Variants in PPM1E observed in about 807,000 individuals in gnomAD.
PPM1E encodes protein phosphatase 1E.
PPM1E carries 20 observed loss-of-function variants against 65.9 expected under a neutral mutation model. The observed-to-expected ratio is 0.30, with a 90% CI of 0.21 to 0.44. The LOEUF is 0.44. PPM1E is among the 20% of genes least tolerant of loss of function. The probability of loss-of-function intolerance (pLI) is 1.00; values close to 1 mark genes in which losing one functional copy is unlikely to be tolerated. For missense variants in PPM1E, 713 were observed against 953.1 expected (o/e 0.75, Z 3.32); for synonymous variants, 352 against 374.9 (o/e 0.94, Z 0.70).
chr17:58,947,271 T>C (rs931710793), intron 1 of PPM1E, among the ~76,000 whole-genome samples: 9 of 146,158 alleles, frequency 6.2e-5, no homozygotes, highest in African/African-American at 2.3e-4. Context: ...CAGTCTTGCT[T>C]TATCACCCAG....
At chr17:58,831,017 T>C (rs1318589095) in intron 1 of PPM1E, among the ~76,000 whole-genome samples, 1 of 150,960 alleles carries the variant, frequency 6.6e-6, no homozygotes, top group Admixed American at 6.6e-5. Flanking sequence ...TTTTTTTTTT[T>C]TCGTTTTTTT....
intron 1 of PPM1E, among the ~76,000 whole-genome samples, chr17:58,916,177 A>C (rs2051681027): frequency 6.6e-6 from 1 of 152,228 alleles, no homozygotes; most frequent in Non-Finnish European, 1.5e-5. Flanking sequence ...ATTTGGAAAA[A>C]AATAATTTCA....
intron 1 of PPM1E, among the ~76,000 whole-genome samples, chr17:58,773,017 T>A (rs1382336945): frequency 6.6e-6 from 1 of 151,668 alleles, no homozygotes; most frequent in Non-Finnish European, 1.5e-5. Flanking sequence ...TCATTCTACC[T>A]GATGCCAAGC....
At chr17:58,770,854 ACTTTT>A (rs1040011219) in intron 1 of PPM1E, among the ~76,000 whole-genome samples, 3 of 149,244 alleles carry the variant, frequency 2.0e-5, no homozygotes, top group Non-Finnish European at 4.4e-5. Flanking sequence ...TTTTACTGTA[ACTTTT>A]CTTTTTTTTT....
intron 1 of PPM1E, among the ~76,000 whole-genome samples, chr17:58,901,096 G>A (rs950349149): frequency 8.5e-5 from 13 of 152,102 alleles, no homozygotes; most frequent in Non-Finnish European, 1.8e-4. Context: ...TCATGCCACA[G>A]CATGATGCTT....
intron 6 of PPM1E, among the ~76,000 whole-genome samples, chr17:58,975,653 CAGG>C (rs1176417239): frequency 6.6e-6 from 1 of 152,052 alleles, no homozygotes; most frequent in African/African-American, 2.4e-5. Flanking sequence ...GCAACAAGTC[CAGG>C]AGGTTAGAGC....
In PPM1E at chr17:58,852,636, A is replaced by G. The variant is rs1232223406; in HGVS notation, c.464+96175A>G. On this transcript the variant is annotated intron_variant, in intron 1 of 6. Coordinates refer to ENST00000308249, the MANE Select transcript of PPM1E (RefSeq NM_014906.5). ...GTTTTTTTTTTTGAGATGGAGTCTC[A>G]CTCTGTCACCAGGCTGGAGTGCAGT... 2.8e-5 allele frequency among the ~76,000 whole-genome samples: 4 copies of G among 140,528 alleles called. No individual in the cohort carries two copies. In the East Asian group the frequency reaches 8.2e-4, roughly 29 times the overall value. The allele number at this position is 140,528 out of a possible 152,430, so 92.2% of individuals were successfully genotyped here. A position where few individuals can be genotyped will look rare whatever the true frequency, so the allele number is the denominator to read the frequency against.
chr17:58,937,491 T>C (rs1434002902), intron 1 of PPM1E, among the ~76,000 whole-genome samples: 1 of 148,860 alleles, frequency 6.7e-6, no homozygotes, highest in African/African-American at 2.5e-5. Context: ...CTCAAACTCC[T>C]GACCTCGTGA....
intron 1 of PPM1E, among the ~76,000 whole-genome samples, chr17:58,915,275 C>T (rs1452495656): frequency 6.6e-6 from 1 of 152,168 alleles, no homozygotes; most frequent in Non-Finnish European, 1.5e-5. Context: ...CATGCCTCCC[C>T]TTTTTAGATC....
At chr17:58,947,573 A>T (rs1307674882) in intron 1 of PPM1E, among the ~76,000 whole-genome samples, 1 of 146,808 alleles carries the variant, frequency 6.8e-6, no homozygotes, top group Non-Finnish European at 1.5e-5. Context: ...ACCTCTCAGC[A>T]ATTGACAGAG....
chr17:58,924,426 C>T (rs998672898), intron 1 of PPM1E, among the ~76,000 whole-genome samples: 1 of 152,086 alleles, frequency 6.6e-6, no homozygotes, highest in Admixed American at 6.6e-5. Context: ...TGGCACATGC[C>T]TGTAGCTCCA....
chr17:58,787,959 G>GTTTTC (rs1282278964), intron 1 of PPM1E, among the ~76,000 whole-genome samples: 1 of 151,180 alleles, frequency 6.6e-6, no homozygotes, highest in Admixed American at 6.6e-5. Context: ...CGTGTTCAGA[G>GTTTTC]TTTTCTTTAA....
At chr17:58,842,412 C>G (rs538794114) in intron 1 of PPM1E, among the ~76,000 whole-genome samples, 2 of 152,254 alleles carry the variant, frequency 1.3e-5, no homozygotes, top group African/African-American at 4.8e-5. Flanking sequence ...AATAAGTGAG[C>G]CATACTAACA....
chr17:58,904,856 C>CAAA (rs71367643), intron 1 of PPM1E, among the ~76,000 whole-genome samples: 1,705 of 104,026 alleles, frequency 0.016, 40 homozygotes, highest in African/African-American at 0.054. Context: ...ACTAAAAATA[C>CAAA]AAAAAAAAAA....
At chr17:58,815,427 G>A (rs1460830202) in intron 1 of PPM1E, among the ~76,000 whole-genome samples, 1 of 152,128 alleles carries the variant, frequency 6.6e-6, no homozygotes, top group Non-Finnish European at 1.5e-5. Flanking sequence ...TGGTACCCAC[G>A]ACATAGTTTT....
intron 1 of PPM1E, among the ~76,000 whole-genome samples, chr17:58,780,920 A>C (rs2050043691): frequency 6.6e-6 from 1 of 152,174 alleles, no homozygotes; most frequent in Non-Finnish European, 1.5e-5. Flanking sequence ...AAATTGATAT[A>C]TCTAATTATT....
chr17:58,855,333 C>T (rs746264854), intron 1 of PPM1E, among the ~76,000 whole-genome samples: 1 of 152,130 alleles, frequency 6.6e-6, no homozygotes, highest in Non-Finnish European at 1.5e-5. Context: ...CTCTATACAT[C>T]CTTCCCCAAC....
chr17:58,801,193 T>C lies in PPM1E; in HGVS notation c.464+44732T>C, dbSNP rs147180815. Among the ~76,000 whole-genome samples, 323 of 152,274 alleles carry C rather than the reference T, an allele frequency of 2.1e-3. 1 individual carries two copies. The highest frequency in any genetic ancestry group is 3.4e-3 in the Middle Eastern group (1 of 294). On this transcript the variant is annotated intron_variant, in intron 1 of 6. Transcript: ENST00000308249. ...TTAGGTCATGTTGGTTGTTAGTGTT[T>C]TTCAAATCGTATACGTTTTCATTGA...
intron 1 of PPM1E, among the ~76,000 whole-genome samples, chr17:58,798,354 G>A (rs1239917203): frequency 6.6e-6 from 1 of 150,440 alleles, no homozygotes; most frequent in East Asian, 2.0e-4. Flanking sequence ...TCAGCCTCCT[G>A]AGTGGCTGGG....
Sources: allele counts gnomAD v4.1 joint callset (sites outside exome capture counted in the v4.1 genomes callset), GRCh38; gene constraint gnomAD v4.1.1; transcripts MANE v1.5; gene names NCBI Gene and HGNC (gene_info 2026-07-23, HGNC 2026-07-21).